Variants in SMARCA5 observed in about 807,000 individuals in gnomAD.
The protein encoded by SMARCA5 is SNF2 related chromatin remodeling ATPase 5.
Under a neutral mutation model 140.4 loss-of-function variants are expected in SMARCA5, and 18 were observed. That is an observed-to-expected ratio of 0.13 (90% CI 0.09 to 0.19). The LOEUF is 0.19. Among genes scored for constraint, SMARCA5 ranks in the 10% least tolerant of loss-of-function variants. The pLI is 1.00. For missense variants in SMARCA5, 606 were observed against 1,276.8 expected (o/e 0.47, Z 8.01); for synonymous variants, 449 against 419.6 (o/e 1.07, Z -0.86).
In SMARCA5 at chr4:143,525,573, TG is replaced by T. The variant is rs1355787327; in HGVS notation, c.621+23del. On this transcript the variant is annotated intron_variant, in intron 5 of 23. Transcript: ENST00000283131. ...AATGGTATGTGTTGGTAGTTTTTTT[TG>T]AAGGGTATGTTTTGTATTGAAAATA... is the stretch of plus-strand genomic sequence containing the variant. 2.7e-6 allele frequency: 4 copies of T among 1,456,188 alleles called. No individual in the cohort carries two copies. In the African/African-American group the frequency reaches 5.6e-5, roughly 20 times the overall value. The allele number at this position is 1,456,188 out of a possible 1,614,324, so 90.2% of individuals were successfully genotyped here. A position where few individuals can be genotyped will look rare whatever the true frequency, so the allele number is the denominator to read the frequency against.
At chr4:143,535,748 C>T (rs746273177) in intron 10 of SMARCA5, among the ~76,000 whole-genome samples, 1 of 152,074 alleles carries the variant, frequency 6.6e-6, no homozygotes, top group Non-Finnish European at 1.5e-5. Context: ...GCATAGATTG[C>T]CTAGGCTACT....
Position 143,553,300 on chromosome 4 carries a change from A to G in SMARCA5, c.*116A>G. ...TATGTCATTTAAAGACATCAGGTTC[A>G]TCTGTTTACTGAGCTAGAAACATAG... On this transcript the variant is annotated 3_prime_UTR_variant, in exon 24 of 24. Transcript: ENST00000283131. 2 of 719,446 alleles carry G rather than the reference A, an allele frequency of 2.8e-6. No homozygotes were observed. Among genetic ancestry groups the G allele is most frequent in the Non-Finnish European group, 2.4e-6 (1 of 409,242 alleles). The allele number at this position is 719,446 out of a possible 1,614,324, so 44.6% of individuals were successfully genotyped here. A position where few individuals can be genotyped will look rare whatever the true frequency, so the allele number is the denominator to read the frequency against.
At chr4:143,518,719 A>G (rs1475419251) in intron 2 of SMARCA5, among the ~76,000 whole-genome samples, 2 of 152,128 alleles carry the variant, frequency 1.3e-5, no homozygotes, top group Non-Finnish European at 2.9e-5. Flanking sequence ...TTTGTTATAT[A>G]TTTTACATAT....
chr4:143,530,319 C>G, intron 8 of SMARCA5, 139 bp from the exon 9 acceptor site: 1 of 463,632 alleles, frequency 2.2e-6, no homozygotes, highest in Non-Finnish European at 3.8e-6. Flanking sequence ...CACATGAAAA[C>G]CAGGATTGGA....
At chr4:143,550,444 TACAA>T (rs1737620171) in intron 23 of SMARCA5, among the ~76,000 whole-genome samples, 2 of 152,022 alleles carry the variant, frequency 1.3e-5, no homozygotes, top group Admixed American at 6.6e-5. Context: ...TTATCCCTGT[TACAA>T]ACAGTTTAAC....
intron 13 of SMARCA5, 62 bp downstream of exon 13, chr4:143,539,000 A>T (rs1737372271): frequency 1.4e-6 from 2 of 1,392,328 alleles, no homozygotes; most frequent in East Asian, 4.6e-5. Flanking sequence ...GGACAGGCTA[A>T]TTCTACAAAT....
chr4:143,516,872 A>G (rs1165898618), intron 1 of SMARCA5, among the ~76,000 whole-genome samples: 1 of 152,248 alleles, frequency 6.6e-6, no homozygotes, highest in East Asian at 1.9e-4. Flanking sequence ...AGAGTATTCA[A>G]TTTAGGCTGC....
intron 9 of SMARCA5, 48 bp downstream of exon 9, chr4:143,530,574 G>T: frequency 7.9e-7 from 1 of 1,266,894 alleles, no homozygotes; most frequent in Non-Finnish European, 1.1e-6. Context: ...TGGGAAAAAG[G>T]ATAAAGGTTT....
chr4:143,531,119 C>T (rs1737175270), intron 9 of SMARCA5, among the ~76,000 whole-genome samples: 1 of 152,214 alleles, frequency 6.6e-6, no homozygotes, highest in African/African-American at 2.4e-5. Flanking sequence ...CACGCCCGGC[C>T]TTAATAGACA....
Position 143,543,977 on chromosome 4 carries a change from T to G in SMARCA5, c.2172+5T>G. On this transcript the variant is annotated splice_donor_5th_base_variant and intron_variant, in intron 16 of 23. Coordinates refer to ENST00000283131, the MANE Select transcript of SMARCA5 (RefSeq NM_003601.4). The stretch of plus-strand genomic sequence containing the variant: ...GACTATAGAGAAAAACAAAAGGTAA[T>G]TTAGAAATAGGTTTGGGTTACATGA... 6.5e-7 allele frequency: 1 copy of G among 1,548,966 alleles called. No homozygotes were observed. The highest frequency in any genetic ancestry group is 8.7e-7 in the Non-Finnish European group (1 of 1,148,434).
chr4:143,538,727 G>T lies in SMARCA5; in HGVS notation c.1617+16G>T. On this transcript the variant is annotated intron_variant, in intron 12 of 23. Transcript: ENST00000283131. ...TGAGAGACAAGTGAGTAAAATTTGG[G>T]GAGGGAGATAAAAAAGAATCAGATA... The T allele has an allele frequency of 6.2e-7, 1 of 1,613,748 alleles. No individual in the cohort carries two copies. The highest frequency in any genetic ancestry group is 8.5e-7 in the Non-Finnish European group (1 of 1,179,794).
In SMARCA5 at chr4:143,554,872, C is replaced by G; in HGVS notation, c.*1688C>G. 1 of 224,764 alleles carries G rather than the reference C, an allele frequency of 4.4e-6. No individual in the cohort carries two copies. The highest frequency in any genetic ancestry group is 6.4e-5 in the South Asian group (1 of 15,672). The allele number at this position is 224,764 out of a possible 1,614,324, so 13.9% of individuals were successfully genotyped here. A position where few individuals can be genotyped will look rare whatever the true frequency, so the allele number is the denominator to read the frequency against. On this transcript the variant is annotated 3_prime_UTR_variant, in exon 24 of 24. Transcript: ENST00000283131. ...GGGAGGGAGATACACAGTGGAAATG[C>G]AAAATGAATCAAGTATAGTGGTAGC...
At chr4:143,543,415 A>G in intron 14 of SMARCA5, 94 bp from the exon 15 acceptor site, 1 of 1,014,460 alleles carries the variant, frequency 9.9e-7, no homozygotes, top group Non-Finnish European at 1.4e-6. Flanking sequence ...TTTGAGATAA[A>G]ATTATAAAGC....
At chr4:143,538,049 G>C (rs1737351010) in intron 11 of SMARCA5, among the ~76,000 whole-genome samples, 2 of 152,082 alleles carry the variant, frequency 1.3e-5, no homozygotes, top group Non-Finnish European at 2.9e-5. Flanking sequence ...CCTTTGTCTT[G>C]ATATATTCTA....
chr4:143,521,336 C>A, intron 2 of SMARCA5, 93 bp from the exon 3 acceptor site: 4 of 698,756 alleles, frequency 5.7e-6, no homozygotes, highest in Admixed American at 3.1e-5. Flanking sequence ...TTTTTTTTTG[C>A]TGAGTTCATT....
chr4:143,539,009 A>G (rs1283372396), intron 13 of SMARCA5, 71 bp downstream of exon 13: 1 of 1,324,500 alleles, frequency 7.6e-7, no homozygotes, highest in Non-Finnish European at 1.1e-6. Context: ...AATTCTACAA[A>G]TATCAGTGAC....
chr4:143,516,852 G>C (rs1736851706), intron 1 of SMARCA5, among the ~76,000 whole-genome samples: 1 of 152,150 alleles, frequency 6.6e-6, no homozygotes, highest in Non-Finnish European at 1.5e-5. Flanking sequence ...TTAGGAATCA[G>C]ACTGTAGTTA....
intron 11 of SMARCA5, among the ~76,000 whole-genome samples, 155 bp from the exon 12 acceptor site, chr4:143,538,435 G>A (rs1737358965): frequency 6.6e-6 from 1 of 152,152 alleles, no homozygotes; most frequent in Non-Finnish European, 1.5e-5. Context: ...AGTGGGAAAT[G>A]ACTGACTTGG....
chr4:143,538,567 T>G, intron 11 of SMARCA5, 23 bp from the exon 12 acceptor site: 2 of 1,605,002 alleles, frequency 1.2e-6, no homozygotes, highest in South Asian at 2.2e-5. Flanking sequence ...CCACTGATAA[T>G]AGATTGTTAT....
Sources: allele counts gnomAD v4.1 joint callset (sites outside exome capture counted in the v4.1 genomes callset), GRCh38; gene constraint gnomAD v4.1.1; transcripts MANE v1.5; gene names NCBI Gene and HGNC (gene_info 2026-07-23, HGNC 2026-07-21).